IGHMBP2: variants seen among roughly 807,000 people sequenced by gnomAD.
The protein encoded by IGHMBP2 is DNA-binding protein SMUBP-2.
A neutral mutation model predicts 96.0 loss-of-function variants in IGHMBP2; 81 were observed. The observed-to-expected ratio is 0.84, with a 90% CI of 0.71 to 1.01. The LOEUF (loss-of-function observed/expected upper bound fraction) is 1.01, where lower values mean the gene tolerates loss of function less well. Among genes scored for constraint, IGHMBP2 ranks in the 50% least tolerant of loss-of-function variants. The pLI, the probability that IGHMBP2 is intolerant of heterozygous loss-of-function variation, is 0.00. For missense variants in IGHMBP2, 1,227 were observed against 1,306.3 expected, an observed-to-expected ratio of 0.94 and a Z score of 0.94; for synonymous variants, 557 against 548.9, an observed-to-expected ratio of 1.01 and a Z score of -0.21.
At chr11:68,938,106 G>A in intron 13 of IGHMBP2, 76 bp from the exon 14 acceptor site, 5 of 1,517,718 alleles carry the variant, frequency 3.3e-6, no homozygotes, top group Non-Finnish European at 4.6e-6. Context: ...GCTTAGCCAT[G>A]AATTGATTTT....
At chr11:68,919,004 TA>T (rs1858777698) in intron 7 of IGHMBP2, among the ~76,000 whole-genome samples, 1 of 152,228 alleles carries the variant, frequency 6.6e-6, no homozygotes, top group Non-Finnish European at 1.5e-5. Flanking sequence ...TTTAGCTCCA[TA>T]AATGTCTCCC....
At chr11:68,935,607 C>T (rs558477768) in intron 12 of IGHMBP2, among the ~76,000 whole-genome samples, 185 bp downstream of exon 12, 1 of 151,992 alleles carries the variant, frequency 6.6e-6, no homozygotes, top group Non-Finnish European at 1.5e-5. Flanking sequence ...GGCTCAGAGG[C>T]GTGAGTGTGC....
chr11:68,907,996 C>A, intron 2 of IGHMBP2, 149 bp from the exon 3 acceptor site: 1 of 740,472 alleles, frequency 1.4e-6, no homozygotes, highest in Non-Finnish European at 2.3e-6. Flanking sequence ...GCCTAACTTA[C>A]TTTCTTTTTT....
chr11:68,916,173 CA>C (rs950180472), intron 6 of IGHMBP2, among the ~76,000 whole-genome samples: 6 of 146,528 alleles, frequency 4.1e-5, no homozygotes, highest in Admixed American at 6.8e-5. Flanking sequence ...GACTCCGTCT[CA>C]AAAAAAAAAC....
chr11:68,911,862 C>T (rs567184000), intron 5 of IGHMBP2, among the ~76,000 whole-genome samples: 6 of 152,344 alleles, frequency 3.9e-5, no homozygotes, highest in East Asian at 3.9e-4. Context: ...GCCTTCGTGT[C>T]GGCCAGGCCC....
chr11:68,913,392 A>G (rs1385654014), intron 5 of IGHMBP2, among the ~76,000 whole-genome samples: 1 of 152,142 alleles, frequency 6.6e-6, no homozygotes, highest in African/African-American at 2.4e-5. Flanking sequence ...TGCTGGGCAT[A>G]GAGAGTGGGT....
At position 68,914,946 on chromosome 11, in the gene IGHMBP2, TC is replaced by T; in HGVS notation, c.838del (p.Leu280TrpfsTer5). On this transcript the variant is annotated frameshift_variant, in exon 6 of 15. Transcript: ENST00000255078. LOFTEE classifies it high-confidence loss of function. ...ARLLESIQQHSLDAVLARSDS... is the reference protein window; with the variant it reads ...ARLLESIQQHXLDAVLARSDS... ...CCTCCTGGAGTCCATTCAGCAGCAC[TC>T]CCTGGATGCGGTTTTAGCGCGGAGC... 1 of 1,614,128 alleles carries T rather than the reference TC, an allele frequency of 6.2e-7. No individual in the cohort carries two copies. Among genetic ancestry groups the T allele is most frequent in the Non-Finnish European group, 8.5e-7 (1 of 1,180,012 alleles).
At chr11:68,917,612 A>C in intron 6 of IGHMBP2, 124 bp from the exon 7 acceptor site, 1 of 808,034 alleles carries the variant, frequency 1.2e-6, no homozygotes, top group South Asian at 1.5e-5. Context: ...TTCAAGGAAG[A>C]TTTCTGAGTG....
In IGHMBP2 at chr11:68,935,315, A is replaced by G. The variant is rs749049238; in HGVS notation, c.1649A>G (p.Gln550Arg). 5.0e-6 allele frequency: 8 copies of G among 1,614,106 alleles called. No individual in the cohort carries two copies. The highest frequency in any genetic ancestry group is 1.3e-5 in the African/African-American group (1 of 75,078). The change falls in exon 12 of 15, where the codon CAG becomes CGG. Residue 550 changes from glutamine to arginine, a missense_variant. Gln to Arg is a conservative substitution (Grantham distance 43, BLOSUM62 1). Transcript: ENST00000255078. ...PYNLQVDLLR[Q>R]SLVHRHPELE... ...GTGTTTCAGGTGGACCTGCTCAGAC[A>G]GAGCCTTGTGCACAGGCACCCTGAG...
chr11:68,912,515 T>A (rs1395037653), intron 5 of IGHMBP2, among the ~76,000 whole-genome samples: 2 of 10,460 alleles, frequency 1.9e-4, no homozygotes, highest in Non-Finnish European at 1.2e-3. Context: ...ACATGGAGAG[T>A]TTTTTTTTTT....
Position 68,929,183 on chromosome 11 carries a change from G to T in IGHMBP2, c.1061G>T (p.Gly354Val). The T allele has an allele frequency of 6.2e-7, 1 of 1,612,268 alleles. No homozygotes were observed. ...SANVVLATNT[G>V]ASADGPLKLL... The stretch of plus-strand genomic sequence containing the variant: ...ACTCCCGGCTCCCTGTTTCCACCAG[G>T]TGCGTCTGCCGATGGCCCCCTGAAG... Residue 354 changes from glycine to valine, a missense_variant and splice_region_variant, in exon 8 of 15, where the codon GGT (glycine) becomes GTT (valine). Physicochemically the swap from Gly to Val is moderately radical, Grantham distance 109 (BLOSUM62 -3). Transcript: ENST00000255078.
chr11:68,909,157 T>TA (rs1858322672), intron 4 of IGHMBP2, among the ~76,000 whole-genome samples: 1 of 119,334 alleles, frequency 8.4e-6, no homozygotes, highest in Non-Finnish European at 1.7e-5. Context: ...AGTTTTTAGT[T>TA]AAAAAAATTT....
rs777575504 is a variant in IGHMBP2, at chr11:68,914,902, G to A, written c.791G>A (p.Arg264His). ...GCTCTGTGTAAGCAGCGGATTCTGCGCCTGGGACACCCTGCCCGCCTCCTG... is the reference window on the plus strand; with the variant it reads ...GCTCTGTGTAAGCAGCGGATTCTGCACCTGGGACACCCTGCCCGCCTCCTG... ...RLALCKQRIL[R>H]LGHPARLLES... The change falls in exon 6 of 15, where the codon CGC (arginine) becomes CAC (histidine). Residue 264 changes from arginine to histidine, a missense_variant. Arg to His is a conservative substitution (Grantham distance 29). Around this residue, in one of 3 missense-constraint regions of IGHMBP2, gnomAD observed 507 missense variants for 496.9 expected, o/e 1.02. Coordinates refer to ENST00000255078, the MANE Select transcript of IGHMBP2 (RefSeq NM_002180.3). The A allele has an allele frequency of 9.9e-6, 16 of 1,614,084 alleles. No individual in the cohort carries two copies. Among genetic ancestry groups the A allele is most frequent in the East Asian group, 6.7e-5 (3 of 44,888 alleles).
intron 14 of IGHMBP2, among the ~76,000 whole-genome samples, chr11:68,938,686 G>A (rs780934240): frequency 1.3e-5 from 2 of 152,232 alleles, no homozygotes; most frequent in Middle Eastern, 3.4e-3. Context: ...CCTCCAGCCC[G>A]TCATCTGAGC....
chr11:68,934,666 GGTAGGGC>G (rs143120198), intron 11 of IGHMBP2, 108 bp downstream of exon 11: 199 of 862,568 alleles, frequency 2.3e-4, no homozygotes, highest in Admixed American at 1.1e-3. Flanking sequence ...AAAGTTCAGG[GGTAGGGC>G]TGACCTTATT....
Position 68,911,179 on chromosome 11 carries a change from A to C in IGHMBP2, c.548-261A>C, listed in dbSNP as rs546699959. Among the ~76,000 whole-genome samples the C allele has an allele frequency of 3.9e-5, 6 of 152,256 alleles. No individual in the cohort carries two copies. In the South Asian group the frequency reaches 1.2e-3, roughly 32 times the overall value. ...GCCTGCTGTAGACGGTATGTAAATCAATGGGTGTGGCTGTGCTCCAGTAAA... is the reference window on the plus strand; with the variant it reads ...GCCTGCTGTAGACGGTATGTAAATCCATGGGTGTGGCTGTGCTCCAGTAAA... On this transcript the variant is annotated intron_variant, in intron 4 of 14. Coordinates refer to ENST00000255078, the MANE Select transcript of IGHMBP2 (RefSeq NM_002180.3).
chr11:68,937,629 G>T, intron 13 of IGHMBP2: 1 of 235,734 alleles, frequency 4.2e-6, no homozygotes, highest in Non-Finnish European at 8.4e-6. Flanking sequence ...CGCAGGAGCT[G>T]GCTAGGCGTG....
intron 4 of IGHMBP2, among the ~76,000 whole-genome samples, chr11:68,908,961 C>T (rs1417279973): frequency 2.0e-5 from 3 of 151,208 alleles, no homozygotes; most frequent in Non-Finnish European, 4.4e-5. Context: ...TTGCCTCAAC[C>T]TCCCAAGTAG....
chr11:68,906,648 T>C (rs945908802), intron 2 of IGHMBP2, among the ~76,000 whole-genome samples: 14 of 148,892 alleles, frequency 9.4e-5, no homozygotes, highest in African/African-American at 1.5e-4. Flanking sequence ...TTCTTTTTTT[T>C]TTTTTTTTTT....
Sources: gnomAD v4.1 joint callset for allele counts (sites outside exome capture counted in the v4.1 genomes callset) on GRCh38, gnomAD v4.1.1 for gene constraint, gnomAD v4.1.1 regional missense constraint, MANE v1.5 for transcripts, NCBI Gene and HGNC (gene_info 2026-07-23, HGNC 2026-07-21) for gene names.